The following SCAPER variants were observed in gnomAD, a reference collection of about 807,000 sequenced individuals.
SCAPER encodes the protein S phase cyclin A-associated protein in the endoplasmic reticulum.
Under a neutral mutation model 182.2 loss-of-function variants are expected in SCAPER, and 98 were observed. The observed-to-expected ratio is 0.54, with a 90% CI of 0.46 to 0.64. The LOEUF (loss-of-function observed/expected upper bound fraction) is 0.64. Among genes scored for constraint, SCAPER ranks in the 30% least tolerant of loss-of-function variants. The pLI is 0.00. For synonymous variants in SCAPER, 605 were observed against 564.6 expected (o/e 1.07, Z -1.01); for missense variants, 1,432 against 1,690.0 (o/e 0.85, Z 2.68).
chr15:76,795,234 T>C, intron 8 of SCAPER, 46 bp downstream of exon 8: 2 of 1,566,606 alleles, frequency 1.3e-6, no homozygotes, highest in African/African-American at 1.4e-5. Context: ...TATCTCTATA[T>C]ATCCACCTGT....
intron 8 of SCAPER, among the ~76,000 whole-genome samples, chr15:76,775,750 G>A (rs1172913456): frequency 6.6e-6 from 1 of 151,960 alleles, no homozygotes; most frequent in African/African-American, 2.4e-5. Flanking sequence ...AGCACCCAGA[G>A]GATCTAGTCT....
chr15:76,708,463 G>A (rs564486138), intron 17 of SCAPER, among the ~76,000 whole-genome samples: 2 of 150,522 alleles, frequency 1.3e-5, no homozygotes, highest in South Asian at 2.1e-4. Flanking sequence ...GGAGGGTGGG[G>A]CAGGAAAAAA....
chr15:76,750,453 T>C (rs1321784406), intron 15 of SCAPER, among the ~76,000 whole-genome samples: 1 of 151,894 alleles, frequency 6.6e-6, no homozygotes, highest in Non-Finnish European at 1.5e-5. Context: ...ATTACCCTGA[T>C]ACCAAAACCA....
At chr15:76,800,153 A>ATTTTTTTTTTTTTTTTTTTTTTTT (rs2065652945) in intron 7 of SCAPER, 95 bp downstream of exon 7, 2 of 683,172 alleles carry the variant, frequency 2.9e-6, no homozygotes, top group Admixed American at 2.7e-5. Flanking sequence ...ATATACATGG[A>ATTTTTTTTTTTTTTTTTTTTTTTT]TATTTTTATA....
intron 23 of SCAPER, among the ~76,000 whole-genome samples, chr15:76,569,286 C>T (rs1021903287): frequency 3.9e-5 from 6 of 152,054 alleles, no homozygotes; most frequent in South Asian, 4.1e-4. Context: ...CAAACGCTTT[C>T]GTTGTGTCTT....
intron 22 of SCAPER, among the ~76,000 whole-genome samples, chr15:76,590,238 TA>T (rs1416347934): frequency 1.3e-5 from 2 of 152,210 alleles, no homozygotes; most frequent in African/African-American, 2.4e-5. Flanking sequence ...GATAGAATGT[TA>T]TAAGTTGGAA....
At chr15:76,839,767 C>T (rs558928007) in intron 5 of SCAPER, among the ~76,000 whole-genome samples, 2 of 152,172 alleles carry the variant, frequency 1.3e-5, no homozygotes, top group African/African-American at 2.4e-5. Context: ...ATAAAAGCCA[C>T]ACTTTCTTGT....
At chr15:76,413,193 T>TTA (rs2045415444) in intron 26 of SCAPER, among the ~76,000 whole-genome samples, 1 of 152,206 alleles carries the variant, frequency 6.6e-6, no homozygotes, top group Non-Finnish European at 1.5e-5. Context: ...ATAGTTTTAT[T>TTA]TTGTCCTTTA....
chr15:76,678,076 G>C (rs1160607581), intron 20 of SCAPER, among the ~76,000 whole-genome samples: 1 of 151,618 alleles, frequency 6.6e-6, no homozygotes, highest in Non-Finnish European at 1.5e-5. Flanking sequence ...TATTATAATA[G>C]AATTTAGAAT....
At chr15:76,544,739 G>C (rs1201330861) in intron 23 of SCAPER, among the ~76,000 whole-genome samples, 1 of 152,104 alleles carries the variant, frequency 6.6e-6, no homozygotes, top group African/African-American at 2.4e-5. Context: ...AAAATTGATT[G>C]TGCTGATGGT....
At chr15:76,521,198 C>T (rs1374957747) in intron 23 of SCAPER, among the ~76,000 whole-genome samples, 67 of 151,978 alleles carry the variant, frequency 4.4e-4, no homozygotes, top group Non-Finnish European at 2.1e-4. Context: ...CAAAGATATG[C>T]CTTGGAATAT....
chr15:76,714,744 T>C (rs1322088588), intron 17 of SCAPER, among the ~76,000 whole-genome samples: 2 of 152,154 alleles, frequency 1.3e-5, no homozygotes, highest in Non-Finnish European at 1.5e-5. Flanking sequence ...TTTAAAAATA[T>C]ATGGCTTACT....
chr15:76,895,414 A>G (rs1346266503), intron 1 of SCAPER, among the ~76,000 whole-genome samples: 1 of 152,208 alleles, frequency 6.6e-6, no homozygotes, highest in African/African-American at 2.4e-5. Context: ...CACAGCTAAC[A>G]TTATACACAA....
intron 17 of SCAPER, among the ~76,000 whole-genome samples, chr15:76,706,937 C>A (rs1334882054): frequency 2.6e-5 from 4 of 151,914 alleles, no homozygotes; most frequent in African/African-American, 9.7e-5. Context: ...TAAACATATA[C>A]AACTGTATAA....
intron 24 of SCAPER, among the ~76,000 whole-genome samples, chr15:76,474,136 T>C (rs1310424702): frequency 1.3e-5 from 2 of 152,202 alleles, no homozygotes; most frequent in East Asian, 3.8e-4. Context: ...AAATATATGC[T>C]TGCCTGAATT....
At position 76,853,565 on chromosome 15, in the gene SCAPER, C is replaced by A. The variant is rs571776114; in HGVS notation, c.195+4244G>T. 4.8e-4 allele frequency among the ~76,000 whole-genome samples: 73 copies of A among 150,554 alleles called. 1 individual carries two copies. In the East Asian group the frequency reaches 0.01, roughly 22 times the overall value. On this transcript the variant is annotated intron_variant, in intron 4 of 31. Coordinates refer to ENST00000563290, the MANE Select transcript of SCAPER (RefSeq NM_020843.4). ...AAACAGAACTAAAGAAAAAAAAAAA[C>A]CACATAGTTATCTCAATGGATGCAG...
At chr15:76,704,565 T>C (rs1555543084) in intron 18 of SCAPER, among the ~76,000 whole-genome samples, 2 of 152,146 alleles carry the variant, frequency 1.3e-5, no homozygotes, top group Non-Finnish European at 1.5e-5. Flanking sequence ...CCCAGCACCA[T>C]TTATTAAATA....
chr15:76,768,738 C>A (rs2063260535), intron 10 of SCAPER, among the ~76,000 whole-genome samples: 1 of 151,256 alleles, frequency 6.6e-6, no homozygotes, highest in Admixed American at 6.6e-5. Context: ...ACCCCTCTTT[C>A]AACTGACAGA....
chr15:76,428,116 C>G (rs1021600312), intron 26 of SCAPER, among the ~76,000 whole-genome samples: 1 of 151,884 alleles, frequency 6.6e-6, no homozygotes, highest in African/African-American at 2.4e-5. Flanking sequence ...CAAAACAAAA[C>G]AGATAAAACA....
Sources: gnomAD v4.1 joint callset for allele counts (sites outside exome capture counted in the v4.1 genomes callset) on GRCh38, gnomAD v4.1.1 for gene constraint, MANE v1.5 for transcripts, NCBI Gene and HGNC (gene_info 2026-07-23, HGNC 2026-07-21) for gene names.